The following RUSC2 variants were observed in gnomAD, a reference collection of about 807,000 sequenced individuals.
RUSC2 encodes RUN and SH3 domain containing 2.
A neutral mutation model predicts 122.2 loss-of-function variants in RUSC2; 34 were observed. The observed-to-expected ratio is 0.28, with a 90% CI of 0.21 to 0.37. The LOEUF (loss-of-function observed/expected upper bound fraction) is 0.37, where lower values mean the gene tolerates loss of function less well. Ranked by LOEUF, RUSC2 falls within the 10% of genes least tolerant of loss-of-function variation. The probability of loss-of-function intolerance (pLI) is 1.00; values close to 1 mark genes in which losing one functional copy is unlikely to be tolerated. For missense variants in RUSC2, 1,747 were observed against 1,952.4 expected (o/e 0.89, Z 1.98); for synonymous variants, 784 against 790.0 (o/e 0.99, Z 0.13).
intron 1 of RUSC2, among the ~76,000 whole-genome samples, chr9:35,493,015 G>T (rs1328357255): frequency 1.1e-4 from 17 of 151,776 alleles, no homozygotes; most frequent in Admixed American, 1.1e-3. Context: ...TTTAGGTTCA[G>T]GGGTACATAT....
intron 1 of RUSC2, among the ~76,000 whole-genome samples, chr9:35,539,858 G>T (rs1396687187): frequency 6.6e-6 from 1 of 152,158 alleles, no homozygotes; most frequent in Non-Finnish European, 1.5e-5. Flanking sequence ...GTCAGGAAAA[G>T]CGTTATCAGT....
chr9:35,553,900 C>A (rs891980051), intron 2 of RUSC2, among the ~76,000 whole-genome samples: 1 of 152,200 alleles, frequency 6.6e-6, no homozygotes, highest in Non-Finnish European at 1.5e-5. Flanking sequence ...GATACAATTT[C>A]ACATGTAGTA....
At chr9:35,518,046 A>C (rs1217561608) in intron 1 of RUSC2, among the ~76,000 whole-genome samples, 2 of 152,218 alleles carry the variant, frequency 1.3e-5, no homozygotes, top group Admixed American at 6.5e-5. Flanking sequence ...TCCTGCCACT[A>C]TCCTAGGCAT....
In RUSC2 at chr9:35,560,442, G is replaced by C; in HGVS notation, c.3802G>C (p.Ala1268Pro). 6.2e-7 allele frequency: 1 copy of C among 1,614,216 alleles called. No individual in the cohort carries two copies. Among genetic ancestry groups the C allele is most frequent in the Non-Finnish European group, 8.5e-7 (1 of 1,180,018 alleles). The change falls in exon 10 of 12, where the codon GCC becomes CCC. Residue 1268 changes from alanine to proline, a missense_variant. Ala to Pro is a conservative substitution (Grantham distance 27). Coordinates refer to ENST00000361226, the MANE Select transcript of RUSC2 (RefSeq NM_014806.5). ...TGCCAGGTGGGCCCGAGGTGGGCAGGCCGGCTGGTGGTACCAGCTCATGCA... is the reference window on the plus strand; with the variant it reads ...TGCCAGGTGGGCCCGAGGTGGGCAGCCCGGCTGGTGGTACCAGCTCATGCA... Reference protein sequence around the residue: ...GRARWARGGQAGWWYQLMQSS... With the variant: ...GRARWARGGQPGWWYQLMQSS...
chr9:35,533,007 A>G (rs1315546338), intron 1 of RUSC2, among the ~76,000 whole-genome samples: 1 of 152,024 alleles, frequency 6.6e-6, no homozygotes, highest in Non-Finnish European at 1.5e-5. Flanking sequence ...GCACTTTGGG[A>G]GGCCTAGGCG....
At position 35,558,131 on chromosome 9, in the gene RUSC2, GCCTGCTACGAGAGGA is replaced by G; in HGVS notation, c.3061-63_3061-49del. ...GGACGGCAAGAGGGGAACCATGAGGGCCTGCTACGAGAGGACCACAGTCAGGCCTGAGGGGGTTTC... is the reference window on the plus strand; with the variant it reads ...GGACGGCAAGAGGGGAACCATGAGGGCCACAGTCAGGCCTGAGGGGGTTTC... On this transcript the variant is annotated intron_variant, in intron 6 of 11. Transcript: ENST00000361226. This position sits in a 1 kb window ranked among gnomAD's most constrained non-coding sequence, Gnocchi z 4.3. 6.3e-7 allele frequency: 1 copy of G among 1,592,720 alleles called. No homozygotes were observed. Among genetic ancestry groups the G allele is most frequent in the Non-Finnish European group, 8.6e-7 (1 of 1,166,952 alleles).
chr9:35,491,704 C>T (rs1002778015), intron 1 of RUSC2, among the ~76,000 whole-genome samples: 1 of 152,168 alleles, frequency 6.6e-6, no homozygotes, highest in Non-Finnish European at 1.5e-5. Context: ...AATCCCGGCA[C>T]TTTGGGAGGC....
chr9:35,539,463 C>CT (rs1306438999), intron 1 of RUSC2, among the ~76,000 whole-genome samples: 1 of 152,042 alleles, frequency 6.6e-6, no homozygotes, highest in Admixed American at 6.6e-5. Flanking sequence ...TAGGAGGAGA[C>CT]ACCCCTACAG....
intron 1 of RUSC2, among the ~76,000 whole-genome samples, chr9:35,532,322 G>C (rs1351895927): frequency 6.6e-6 from 1 of 152,218 alleles, no homozygotes; most frequent in Admixed American, 6.5e-5. Context: ...ACTAAAGACT[G>C]TTCAGATTGA....
intron 1 of RUSC2, among the ~76,000 whole-genome samples, chr9:35,497,394 G>C (rs1386024343): frequency 2.6e-5 from 4 of 152,180 alleles, no homozygotes; most frequent in Non-Finnish European, 4.4e-5. Flanking sequence ...CTGGAGAACT[G>C]TTTTGTTTTG....
Position 35,548,652 on chromosome 9 carries a change from C to T in RUSC2, c.2014+117C>T, listed in dbSNP as rs1271101600. 2.8e-6 allele frequency: 4 copies of T among 1,434,782 alleles called. No homozygotes were observed. The highest frequency in any genetic ancestry group is 2.7e-6 in the Non-Finnish European group (3 of 1,097,874). The allele number at this position is 1,434,782 out of a possible 1,614,324, so 88.9% of individuals were successfully genotyped here. A position where few individuals can be genotyped will look rare whatever the true frequency, so the allele number is the denominator to read the frequency against. ...TCCATACCACTAGAGGTTCCACATC[C>T]TAGATCTGTTATCCTTCTAGGCCAG... On this transcript the variant is annotated intron_variant, in intron 2 of 11. Coordinates refer to ENST00000361226, the MANE Select transcript of RUSC2 (RefSeq NM_014806.5). The surrounding 1 kb of genome is among the most constrained non-coding windows in gnomAD (Gnocchi z 4.5).
intron 1 of RUSC2, chr9:35,507,624 C>T (rs1429867638): frequency 8.9e-6 from 2 of 225,770 alleles, no homozygotes; most frequent in African/African-American, 4.6e-5. Flanking sequence ...GCACCAACTC[C>T]ACAAAGTGAC....
At chr9:35,520,799 C>G (rs1821198134) in intron 1 of RUSC2, among the ~76,000 whole-genome samples, 1 of 152,134 alleles carries the variant, frequency 6.6e-6, no homozygotes, top group Non-Finnish European at 1.5e-5. Flanking sequence ...AGCATCCACC[C>G]CTCGTACACT....
rs1821999294 is a variant in RUSC2 at position 35,555,637 on chromosome 9, C to T, written c.2592C>T (p.Leu864=). Residue 864 remains leucine (L), a synonymous_variant, in exon 3 of 12, where the codon CTC becomes CTT. Transcript: ENST00000361226. This position sits in a 1 kb window ranked among gnomAD's most constrained non-coding sequence, Gnocchi z 4.6. The part of the protein sequence containing the change: ...LPPLGSWRSG[L]SRAESLARGG... Reference sequence around the variant, plus strand: ...CTCTGGGCTCCTGGCGATCTGGCCTCAGCCGAGCAGAGAGCCTGGCCCGGG... The same window carrying T: ...CTCTGGGCTCCTGGCGATCTGGCCTTAGCCGAGCAGAGAGCCTGGCCCGGG... 1 of 1,610,834 alleles carries T rather than the reference C, an allele frequency of 6.2e-7. No individual in the cohort carries two copies.
intron 1 of RUSC2, among the ~76,000 whole-genome samples, chr9:35,503,162 A>G (rs915326717): frequency 5.3e-5 from 8 of 152,064 alleles, no homozygotes; most frequent in African/African-American, 1.7e-4. Context: ...GCACCCAGCC[A>G]GATAAGTTCT....
intron 4 of RUSC2, 30 bp from the exon 5 acceptor site, chr9:35,556,278 G>C: frequency 6.2e-7 from 1 of 1,612,240 alleles, no homozygotes; most frequent in Non-Finnish European, 8.5e-7. Context: ...ACTGAGAGTT[G>C]CTCAGGATTG....
At chr9:35,534,234 G>A (rs560000558) in intron 1 of RUSC2, among the ~76,000 whole-genome samples, 46 of 152,162 alleles carry the variant, frequency 3.0e-4, no homozygotes, top group African/African-American at 1.0e-3. Flanking sequence ...GTTTATATAA[G>A]TACTTGTTGA....
Position 35,557,867 on chromosome 9 carries a change from G to C in RUSC2, c.2984-47G>C. ...TGAGGTTTCAGCCCCAGCTGAGTTGGTTAAGGACTTGCTCAGGGACCTGTC... is the reference window on the plus strand; with the variant it reads ...TGAGGTTTCAGCCCCAGCTGAGTTGCTTAAGGACTTGCTCAGGGACCTGTC... On this transcript the variant is annotated intron_variant, in intron 5 of 11. Transcript: ENST00000361226. The surrounding 1 kb of genome is among the most constrained non-coding windows in gnomAD (Gnocchi z 4.6). The C allele has an allele frequency of 6.4e-7, 1 of 1,565,250 alleles. No homozygotes were observed. The highest frequency in any genetic ancestry group is 1.1e-5 in the South Asian group (1 of 90,094).
At position 35,490,706 on chromosome 9, in the gene RUSC2, G is replaced by T. The variant is rs551735879; in HGVS notation, c.-93+534G>T. On this transcript the variant is annotated intron_variant, in intron 1 of 11. Coordinates refer to ENST00000361226, the MANE Select transcript of RUSC2 (RefSeq NM_014806.5). ...TTATTATCCGCCCGGCGCCGGCGTTGCTTCAGTCTCTGTCTCTCTGTCATC... is the reference window on the plus strand; with the variant it reads ...TTATTATCCGCCCGGCGCCGGCGTTTCTTCAGTCTCTGTCTCTCTGTCATC... Among the ~76,000 whole-genome samples the T allele has an allele frequency of 8.5e-5, 13 of 152,280 alleles. No homozygotes were observed. The South Asian group carries it at 2.7e-3, about 32-fold the overall frequency.
Sources: gnomAD v4.1 joint callset for allele counts (sites outside exome capture counted in the v4.1 genomes callset) on GRCh38, gnomAD v4.1.1 for gene constraint, Gnocchi (gnomAD v3.1) non-coding constraint, MANE v1.5 for transcripts, NCBI Gene and HGNC (gene_info 2026-07-23, HGNC 2026-07-21) for gene names.